The following PHACTR3 variants were observed in gnomAD, a reference collection of about 807,000 sequenced individuals.
PHACTR3 encodes the protein phosphatase and actin regulator 3, also known as protein phosphatase 1, regulatory subunit 123.
In PHACTR3, 16 loss-of-function variants were observed where a neutral mutation model predicts 66.8. That is an observed-to-expected ratio of 0.24 (90% CI 0.16 to 0.36). PHACTR3 has a LOEUF of 0.36. PHACTR3 is among the 10% of genes least tolerant of loss of function. The pLI, the probability that PHACTR3 is intolerant of heterozygous loss-of-function variation, is 1.00. For missense variants in PHACTR3, 647 were observed against 719.9 expected, an observed-to-expected ratio of 0.90 and a Z score of 1.16; for synonymous variants, 323 against 292.1, an observed-to-expected ratio of 1.11 and a Z score of -1.08.
At chr20:59,716,597 A>G (rs540815747) in intron 1 of PHACTR3, among the ~76,000 whole-genome samples, 1 of 152,180 alleles carries the variant, frequency 6.6e-6, no homozygotes, top group East Asian at 1.9e-4. Flanking sequence ...CTTTTTTTAG[A>G]GAGGACTTTC....
intron 1 of PHACTR3, among the ~76,000 whole-genome samples, chr20:59,630,704 C>A (rs1167424719): frequency 6.6e-6 from 1 of 152,134 alleles, no homozygotes; most frequent in Non-Finnish European, 1.5e-5. Flanking sequence ...GGGCGGTTAC[C>A]TGGCACCATC....
At chr20:59,618,274 A>T (rs1166639771) in intron 1 of PHACTR3, among the ~76,000 whole-genome samples, 1 of 152,120 alleles carries the variant, frequency 6.6e-6, no homozygotes, top group Middle Eastern at 3.4e-3. Flanking sequence ...TGGACTGGGG[A>T]GGAGCTTGTC....
chr20:59,758,002 GGA>G (rs2039865671), intron 4 of PHACTR3, among the ~76,000 whole-genome samples: 1 of 152,130 alleles, frequency 6.6e-6, no homozygotes, highest in Non-Finnish European at 1.5e-5. Flanking sequence ...CCCACAGAAT[GGA>G]GAGAGAGAAG....
At chr20:59,680,838 G>A (rs368981947) in intron 1 of PHACTR3, among the ~76,000 whole-genome samples, 98 of 152,294 alleles carry the variant, frequency 6.4e-4, no homozygotes, top group African/African-American at 2.3e-3. Flanking sequence ...AGGACAGGCC[G>A]GAGGCTCAGA....
chr20:59,785,885 T>TCTG (rs2040895038), intron 7 of PHACTR3, among the ~76,000 whole-genome samples: 3 of 11,602 alleles, frequency 2.6e-4, no homozygotes, highest in African/African-American at 4.9e-4. Context: ...TACTTCATTT[T>TCTG]GTTTTCCAAC....
intron 1 of PHACTR3, among the ~76,000 whole-genome samples, chr20:59,591,131 G>C (rs543634041): frequency 6.6e-6 from 1 of 152,174 alleles, no homozygotes; most frequent in South Asian, 2.1e-4. Flanking sequence ...ATATTCTAGC[G>C]CATGGTGCAG....
chr20:59,833,712 C>A (rs369110790), intron 8 of PHACTR3, among the ~76,000 whole-genome samples: 1 of 152,118 alleles, frequency 6.6e-6, no homozygotes. Flanking sequence ...TTGAGCCACA[C>A]ACAAAATACA....
At chr20:59,655,944 G>A (rs2146462360) in intron 1 of PHACTR3, among the ~76,000 whole-genome samples, 1 of 151,786 alleles carries the variant, frequency 6.6e-6, no homozygotes, top group East Asian at 1.9e-4. Flanking sequence ...CCATATGTTT[G>A]TGAATCCCCT....
At chr20:59,693,566 T>C (rs1429788547) in intron 1 of PHACTR3, among the ~76,000 whole-genome samples, 1 of 152,230 alleles carries the variant, frequency 6.6e-6, no homozygotes, top group Non-Finnish European at 1.5e-5. Context: ...CAGCCCTGTC[T>C]GTAGCTTCAC....
intron 4 of PHACTR3, among the ~76,000 whole-genome samples, chr20:59,760,661 T>A (rs1455002658): frequency 1.3e-5 from 2 of 152,162 alleles, no homozygotes; most frequent in African/African-American, 4.8e-5. Context: ...TCTTTATAAA[T>A]TACTCAGTCT....
At chr20:59,651,057 T>C (rs1478072976) in intron 1 of PHACTR3, among the ~76,000 whole-genome samples, 1 of 152,028 alleles carries the variant, frequency 6.6e-6, no homozygotes, top group East Asian at 1.9e-4. Flanking sequence ...GTGTTGAAAC[T>C]GTTAAAAAAA....
At chr20:59,577,938 C>T (rs1473958469) in intron 1 of PHACTR3, among the ~76,000 whole-genome samples, 1 of 152,232 alleles carries the variant, frequency 6.6e-6, no homozygotes. Flanking sequence ...GTGCGCATGG[C>T]GTTTGACCTT....
At chr20:59,741,157 G>A (rs1247540633) in intron 1 of PHACTR3, among the ~76,000 whole-genome samples, 3 of 152,228 alleles carry the variant, frequency 2.0e-5, no homozygotes, top group Non-Finnish European at 4.4e-5. Context: ...CCTTCTCCCT[G>A]CATGTCCATG....
chr20:59,654,574 A>G (rs2035556221), intron 1 of PHACTR3, among the ~76,000 whole-genome samples: 2 of 152,164 alleles, frequency 1.3e-5, no homozygotes. Context: ...CTGCCTCTAA[A>G]GGATTCTTTC....
At chr20:59,741,922 T>A (rs1018791279) in intron 1 of PHACTR3, among the ~76,000 whole-genome samples, 2 of 151,942 alleles carry the variant, frequency 1.3e-5, no homozygotes, top group Non-Finnish European at 2.9e-5. Context: ...GCCACCACAC[T>A]CAGCTAATTT....
intron 1 of PHACTR3, among the ~76,000 whole-genome samples, chr20:59,722,725 G>A (rs2038363178): frequency 6.6e-6 from 1 of 152,136 alleles, no homozygotes; most frequent in Non-Finnish European, 1.5e-5. Context: ...ACATGATGGG[G>A]AGTGGGCTTG....
intron 4 of PHACTR3, among the ~76,000 whole-genome samples, chr20:59,762,023 G>A (rs1016450222): frequency 6.6e-6 from 1 of 152,252 alleles, no homozygotes; most frequent in African/African-American, 2.4e-5. Flanking sequence ...TACAACGGTG[G>A]CTGCACACTC....
At chr20:59,659,313 A>T (rs1321328919) in intron 1 of PHACTR3, among the ~76,000 whole-genome samples, 2 of 143,796 alleles carry the variant, frequency 1.4e-5, no homozygotes, top group Non-Finnish European at 1.5e-5. Flanking sequence ...TTTTCTTTCC[A>T]CTTATCAGAG....
At chr20:59,774,813 CT>C (rs2040473080) in intron 7 of PHACTR3, among the ~76,000 whole-genome samples, 1 of 151,966 alleles carries the variant, frequency 6.6e-6, no homozygotes, top group South Asian at 2.1e-4. Flanking sequence ...AATGCCACCC[CT>C]GAGGATGCTG....
Sources: allele counts gnomAD v4.1 joint callset (sites outside exome capture counted in the v4.1 genomes callset), GRCh38; gene constraint gnomAD v4.1.1; transcripts MANE v1.5; gene names NCBI Gene and HGNC (gene_info 2026-07-23, HGNC 2026-07-21).